BAHD1: variants seen among roughly 807,000 people sequenced by gnomAD.
BAHD1 encodes bromo adjacent homology domain containing 1, also known as bromo adjacent homology domain-containing 1 protein.
In BAHD1, 20 loss-of-function variants were observed where a neutral mutation model predicts 63.1. The observed-to-expected ratio is 0.32, with a 90% CI of 0.22 to 0.46. BAHD1 has a LOEUF of 0.46. BAHD1 is among the 20% of genes least tolerant of loss of function. The pLI is 1.00. For missense variants in BAHD1, 939 were observed against 1,071.8 expected, an observed-to-expected ratio of 0.88 and a Z score of 1.73; for synonymous variants, 408 against 426.8, an observed-to-expected ratio of 0.96 and a Z score of 0.54.
At chr15:40,448,781 G>A (rs1284091408) in intron 1 of BAHD1, among the ~76,000 whole-genome samples, 3 of 151,502 alleles carry the variant, frequency 2.0e-5, no homozygotes, top group African/African-American at 7.3e-5. Flanking sequence ...CACAGCACAG[G>A]AATTCTAGGT....
At chr15:40,465,534 C>G (rs1012658673) in intron 6 of BAHD1, 99 bp downstream of exon 6, 1 of 914,342 alleles carries the variant, frequency 1.1e-6, no homozygotes, top group Non-Finnish European at 1.8e-6. Flanking sequence ...TCATTCTGCT[C>G]TCTACCTGAT....
At chr15:40,464,694 G>T in intron 5 of BAHD1, 147 bp downstream of exon 5, 1 of 646,106 alleles carries the variant, frequency 1.5e-6, no homozygotes, top group Middle Eastern at 3.4e-4. Context: ...CTGGGAAAGG[G>T]CCCAGGATTT....
In BAHD1 at chr15:40,458,732, G is replaced by A. The variant is rs766440622; in HGVS notation, c.268G>A (p.Asp90Asn). 1.9e-6 allele frequency: 3 copies of A among 1,613,444 alleles called. No individual in the cohort carries two copies. Among genetic ancestry groups the A allele is most frequent in the Non-Finnish European group, 2.5e-6 (3 of 1,180,048 alleles). The change falls in exon 2 of 7, where the codon GAT (aspartate) becomes AAT (asparagine). Residue 90 changes from aspartate to asparagine, a missense_variant. Physicochemically the swap from Asp to Asn is conservative, Grantham distance 23. Transcript: ENST00000416165. The surrounding 1 kb of genome is among the most constrained non-coding windows in gnomAD (Gnocchi z 4.7). Reference protein sequence around the residue: ...VAGPRSADEADELPPDLPKPP... With the variant: ...VAGPRSADEANELPPDLPKPP... ...CGGTCCCCGGAGTGCAGATGAGGCT[G>A]ATGAGCTACCGCCTGACCTGCCCAA...
At position 40,443,231 on chromosome 15, in the gene BAHD1, G is replaced by A. The variant is rs542004878; in HGVS notation, c.-15+1963G>A. 6 of 984,198 alleles carry A rather than the reference G, an allele frequency of 6.1e-6. No homozygotes were observed. The South Asian group carries it at 2.4e-4, about 39-fold the overall frequency. 61.0% of individuals were successfully genotyped at this position (984,198 alleles called of 1,614,324 possible). A position where few individuals can be genotyped will look rare whatever the true frequency, so the allele number is the denominator to read the frequency against. Reference sequence around the variant, plus strand: ...TGCTTGTCTGCCACTTCAGAGGGTAGCATGGGCATGGGAGTTTATTCATGG... The same window carrying A: ...TGCTTGTCTGCCACTTCAGAGGGTAACATGGGCATGGGAGTTTATTCATGG... On this transcript the variant is annotated intron_variant, in intron 1 of 6. Transcript: ENST00000416165.
chr15:40,445,256 T>TAAAAA lies in BAHD1; in HGVS notation c.-15+4004_-15+4008dup, dbSNP rs397937880. 1.3e-4 allele frequency among the ~76,000 whole-genome samples: 15 copies of TAAAAA among 113,700 alleles called. 1 individual carries two copies. Among genetic ancestry groups the TAAAAA allele is most frequent in the South Asian group, 3.0e-4 (1 of 3,378 alleles). 74.6% of individuals were successfully genotyped at this position (113,700 alleles called of 152,430 possible). A position where few individuals can be genotyped will look rare whatever the true frequency, so the allele number is the denominator to read the frequency against. On this transcript the variant is annotated intron_variant, in intron 1 of 6. Coordinates refer to ENST00000416165, the MANE Select transcript of BAHD1 (RefSeq NM_014952.5). ...AAAACTAGAGAGAGCTCCTTTTGGG[T>TAAAAA]AAAAAAAAAAAAAAAAAAAACAACC...
chr15:40,465,793 A>C, intron 6 of BAHD1, 148 bp from the exon 7 acceptor site: 1 of 807,382 alleles, frequency 1.2e-6, no homozygotes, highest in Non-Finnish European at 2.0e-6. Flanking sequence ...CAGAGCAGAC[A>C]TCATCCCTGG....
At chr15:40,462,758 G>A (rs1433681297) in intron 3 of BAHD1, among the ~76,000 whole-genome samples, 2 of 152,124 alleles carry the variant, frequency 1.3e-5, no homozygotes, top group Non-Finnish European at 2.9e-5. Flanking sequence ...TTTAGGTGGT[G>A]GAAGTGGTAA....
At chr15:40,456,473 G>A (rs114429336) in intron 1 of BAHD1, among the ~76,000 whole-genome samples, 1,982 of 152,350 alleles carry the variant, frequency 0.013, 39 homozygotes, top group African/African-American at 0.045. Flanking sequence ...GTCCCCGCAC[G>A]TGGCCAGAGC....
chr15:40,461,873 A>G (rs779310412), intron 2 of BAHD1, 39 bp from the exon 3 acceptor site: 1 of 1,531,296 alleles, frequency 6.5e-7, no homozygotes, highest in Non-Finnish European at 8.8e-7. Context: ...GATGGGGGTC[A>G]CTGCTTGTCC....
chr15:40,452,220 G>A (rs945808771), intron 1 of BAHD1, among the ~76,000 whole-genome samples: 3 of 152,236 alleles, frequency 2.0e-5, no homozygotes, highest in Admixed American at 6.5e-5. Flanking sequence ...TTGAGTGCCC[G>A]CAGCAAGTGA....
chr15:40,454,952 C>T (rs933281543), intron 1 of BAHD1, among the ~76,000 whole-genome samples: 1 of 152,182 alleles, frequency 6.6e-6, no homozygotes, highest in Non-Finnish European at 1.5e-5. Flanking sequence ...CTTGTAGCCC[C>T]TCCACCCAGC....
chr15:40,458,520 G>A lies in BAHD1; in HGVS notation c.56G>A (p.Arg19His), dbSNP rs377528771. 3.2e-5 allele frequency: 51 copies of A among 1,612,116 alleles called. 1 individual carries two copies. The highest frequency in any genetic ancestry group is 2.2e-4 in the East Asian group (10 of 44,864). Reference protein sequence around the residue: ...LPMLSSGLTGRREPLQMEDSN... With the variant: ...LPMLSSGLTGHREPLQMEDSN... ...ATGCTGAGTTCGGGCCTCACTGGCC[G>A]CCGAGAGCCCCTGCAGATGGAAGAC... is the stretch of plus-strand genomic sequence containing the variant. Residue 19 changes from arginine to histidine, a missense_variant, in exon 2 of 7, where the codon CGC becomes CAC. Physicochemically the swap from Arg to His is conservative, Grantham distance 29. This residue lies in a region of BAHD1 where 797 missense variants were observed against 813.3 expected (regional missense o/e 0.98). Transcript: ENST00000416165. The surrounding 1 kb of genome is among the most constrained non-coding windows in gnomAD (Gnocchi z 4.7).
intron 3 of BAHD1, 76 bp from the exon 4 acceptor site, chr15:40,463,785 G>C (rs932162697): frequency 1.3e-6 from 2 of 1,514,766 alleles, no homozygotes; most frequent in Non-Finnish European, 1.8e-6. Context: ...TCGTGGAAAG[G>C]ATGTCATTCC....
intron 2 of BAHD1, among the ~76,000 whole-genome samples, chr15:40,461,440 C>T (rs1290134360): frequency 1.3e-5 from 2 of 152,078 alleles, no homozygotes; most frequent in Admixed American, 6.5e-5. Context: ...TAGGTTGAGA[C>T]CAGCCTGTCT....
chr15:40,440,746 G>A (rs990607836), upstream of BAHD1, among the ~76,000 whole-genome samples: 35 of 151,448 alleles, frequency 2.3e-4, no homozygotes, highest in Non-Finnish European at 4.7e-4. Flanking sequence ...CGCCTCCCCC[G>A]GCCGCCTCGT....
At chr15:40,447,584 AAAT>A (rs1444117996) in intron 1 of BAHD1, among the ~76,000 whole-genome samples, 8 of 147,038 alleles carry the variant, frequency 5.4e-5, no homozygotes, top group African/African-American at 2.1e-4. Flanking sequence ...ATAAATAAAT[AAAT>A]AAATAAATAA....
chr15:40,463,786 A>G, intron 3 of BAHD1, 75 bp from the exon 4 acceptor site: 1 of 1,517,004 alleles, frequency 6.6e-7, no homozygotes, highest in Non-Finnish European at 9.0e-7. Context: ...CGTGGAAAGG[A>G]TGTCATTCCC....
intron 1 of BAHD1, among the ~76,000 whole-genome samples, chr15:40,451,125 CAA>C (rs1893686721): frequency 1.1e-5 from 1 of 92,406 alleles, no homozygotes; most frequent in South Asian, 3.9e-4. Flanking sequence ...GCCTGGGCAA[CAA>C]GAGCATAAAC....
At chr15:40,446,468 T>C (rs1446582353) in intron 1 of BAHD1, among the ~76,000 whole-genome samples, 1 of 152,216 alleles carries the variant, frequency 6.6e-6, no homozygotes, top group Non-Finnish European at 1.5e-5. Context: ...GATTTCATTT[T>C]TCCCAGTGGG....
Sources: allele counts gnomAD v4.1 joint callset (sites outside exome capture counted in the v4.1 genomes callset), GRCh38; gene constraint gnomAD v4.1.1; regional missense constraint gnomAD v4.1.1; non-coding constraint Gnocchi (gnomAD v3.1); transcripts MANE v1.5; gene names NCBI Gene and HGNC (gene_info 2026-07-23, HGNC 2026-07-21).